CLSTN2: variants seen among roughly 807,000 people sequenced by gnomAD.
CLSTN2 encodes calsyntenin 2.
A neutral mutation model predicts 101.2 loss-of-function variants in CLSTN2; 48 were observed. The observed-to-expected ratio is 0.47, with a 90% confidence interval of 0.38 to 0.60. CLSTN2 has a LOEUF of 0.60. Among genes scored for constraint, CLSTN2 ranks in the 20% least tolerant of loss-of-function variants. The probability of loss-of-function intolerance (pLI) is 0.00; values close to 1 mark genes in which losing one functional copy is unlikely to be tolerated. For missense variants in CLSTN2, 1,160 were observed against 1,238.2 expected (o/e 0.94, Z 0.95); for synonymous variants, 481 against 463.6 (o/e 1.04, Z -0.48).
At chr3:140,238,091 A>G (rs2086431809) in intron 2 of CLSTN2, among the ~76,000 whole-genome samples, 2 of 152,214 alleles carry the variant, frequency 1.3e-5, no homozygotes, top group South Asian at 4.1e-4. Context: ...CTTTGTGTTC[A>G]GAGATAATCA....
intron 2 of CLSTN2, among the ~76,000 whole-genome samples, chr3:140,239,387 G>A (rs140888187): frequency 6.6e-6 from 1 of 152,114 alleles, no homozygotes; most frequent in Non-Finnish European, 1.5e-5. Context: ...GAAAAACATT[G>A]CCAGCTAAAC....
Position 140,381,724 on chromosome 3 carries a change from G to A in CLSTN2, c.233-21905G>A, listed in dbSNP as rs562988388. Among the ~76,000 whole-genome samples the A allele has an allele frequency of 8.5e-5, 13 of 152,338 alleles. No homozygotes were observed. In the South Asian group the frequency reaches 2.7e-3, roughly 32 times the overall value. On this transcript the variant is annotated intron_variant, in intron 2 of 16. Transcript: ENST00000458420. ...TACCACACCAGCAGGGACCTCCCAG[G>A]TGGATCAGCCAGATGTTTCCAGCAA...
chr3:140,221,372 G>A (rs2086271738), intron 2 of CLSTN2, among the ~76,000 whole-genome samples: 1 of 152,038 alleles, frequency 6.6e-6, no homozygotes, highest in South Asian at 2.1e-4. Context: ...TGCAGAGGGT[G>A]CTACATAATA....
intron 1 of CLSTN2, among the ~76,000 whole-genome samples, chr3:140,071,825 C>T (rs910866890): frequency 1.7e-5 from 2 of 120,396 alleles, no homozygotes; most frequent in African/African-American, 9.4e-5. Context: ...AGTGAGACTC[C>T]GTCTAAAAAA....
rs1338440119 is a variant in CLSTN2 at position 139,981,416 on chromosome 3, G to A, written c.109+45933G>A. 2.6e-5 allele frequency among the ~76,000 whole-genome samples: 4 copies of A among 152,262 alleles called. No individual in the cohort carries two copies. The East Asian group carries it at 5.8e-4, about 22-fold the overall frequency. ...TATAAGTATTCTTGTGTTATTAATG[G>A]CCTTTGAAAGCACAGACCTCATGTA... On this transcript the variant is annotated intron_variant, in intron 1 of 16. Transcript: ENST00000458420.
chr3:140,052,009 A>G (rs763398009), intron 1 of CLSTN2, among the ~76,000 whole-genome samples: 23 of 152,190 alleles, frequency 1.5e-4, no homozygotes, highest in Non-Finnish European at 2.4e-4. Flanking sequence ...GGCCTTAGTG[A>G]AAGCGAAGAC....
chr3:140,233,277 G>A (rs763991742), intron 2 of CLSTN2, among the ~76,000 whole-genome samples: 9 of 152,032 alleles, frequency 5.9e-5, no homozygotes, highest in Non-Finnish European at 1.2e-4. Flanking sequence ...ACACTTGGTC[G>A]ACTCCGCATT....
chr3:140,487,550 G>T (rs1436066272), intron 8 of CLSTN2, among the ~76,000 whole-genome samples: 1 of 152,230 alleles, frequency 6.6e-6, no homozygotes, highest in African/African-American at 2.4e-5. Context: ...AACAGTGCTA[G>T]AACTATTCCT....
At chr3:140,068,683 G>C (rs1425709170) in intron 1 of CLSTN2, among the ~76,000 whole-genome samples, 1 of 152,226 alleles carries the variant, frequency 6.6e-6, no homozygotes, top group African/African-American at 2.4e-5. Flanking sequence ...TGATGGAGTG[G>C]ACAGTGTCTG....
intron 6 of CLSTN2, among the ~76,000 whole-genome samples, chr3:140,455,937 CA>C (rs1933387715): frequency 6.6e-6 from 1 of 152,212 alleles, no homozygotes; most frequent in African/African-American, 2.4e-5. Flanking sequence ...TCCCCCTCAG[CA>C]GGGAAGACAA....
At chr3:140,149,348 ACT>A (rs1332284677) in intron 1 of CLSTN2, among the ~76,000 whole-genome samples, 2 of 152,056 alleles carry the variant, frequency 1.3e-5, no homozygotes, top group East Asian at 3.9e-4. Flanking sequence ...GTCCAAAGAA[ACT>A]CTGTCACTGA....
chr3:140,055,828 G>A (rs927042954), intron 1 of CLSTN2, among the ~76,000 whole-genome samples: 28 of 152,184 alleles, frequency 1.8e-4, no homozygotes, highest in African/African-American at 6.5e-4. Flanking sequence ...ACAATAATGT[G>A]TAAAAGAAGA....
At chr3:140,550,759 G>C (rs979447916) in intron 10 of CLSTN2, among the ~76,000 whole-genome samples, 3 of 151,332 alleles carry the variant, frequency 2.0e-5, no homozygotes, top group African/African-American at 7.3e-5. Flanking sequence ...TAAAATAAGT[G>C]GCACAAAAAA....
intron 1 of CLSTN2, among the ~76,000 whole-genome samples, chr3:140,157,644 T>C (rs1270678829): frequency 1.3e-5 from 2 of 152,224 alleles, no homozygotes; most frequent in African/African-American, 4.8e-5. Flanking sequence ...GTTAATCTGG[T>C]TAACAATCTA....
chr3:140,207,000 T>C (rs939613961), intron 2 of CLSTN2, among the ~76,000 whole-genome samples: 3 of 152,154 alleles, frequency 2.0e-5, no homozygotes, highest in African/African-American at 7.2e-5. Context: ...TTCCCTCTTT[T>C]TCCTGTAGTC....
chr3:140,561,725 C>G (rs1362210283), intron 12 of CLSTN2, among the ~76,000 whole-genome samples: 2 of 152,174 alleles, frequency 1.3e-5, no homozygotes, highest in Non-Finnish European at 2.9e-5. Context: ...TGGAAGGCCA[C>G]TTACCTCTAC....
intron 2 of CLSTN2, among the ~76,000 whole-genome samples, chr3:140,277,065 G>A (rs2086802071): frequency 6.6e-6 from 1 of 152,212 alleles, no homozygotes; most frequent in Admixed American, 6.5e-5. Flanking sequence ...GCTCCTCCAT[G>A]TAATTTGTAT....
chr3:140,013,446 G>A (rs188747636), intron 1 of CLSTN2, among the ~76,000 whole-genome samples: 3 of 152,270 alleles, frequency 2.0e-5, no homozygotes, highest in East Asian at 1.9e-4. Flanking sequence ...GGAGTTTGTC[G>A]CTGGAAGTGT....
At position 140,568,536 on chromosome 3, in the gene CLSTN2, T is replaced by C. The variant is rs929071389; in HGVS notation, c.*2283T>C. 6.6e-6 allele frequency: 1 copy of C among 152,106 alleles called. No individual in the cohort carries two copies. The highest frequency in any genetic ancestry group is 2.4e-5 in the African/African-American group (1 of 41,400). 9.4% of individuals were successfully genotyped at this position (152,106 alleles called of 1,614,324 possible). Reference sequence around the variant, plus strand: ...ACAAGAGGAAAGTCTATAGGACTGATTAGTTTTCACAATCCCATTTAAATA... The same window carrying C: ...ACAAGAGGAAAGTCTATAGGACTGACTAGTTTTCACAATCCCATTTAAATA... On this transcript the variant is annotated 3_prime_UTR_variant, in exon 17 of 17. Coordinates refer to ENST00000458420, the MANE Select transcript of CLSTN2 (RefSeq NM_022131.3).
Sources: allele counts gnomAD v4.1 joint callset (sites outside exome capture counted in the v4.1 genomes callset), GRCh38; gene constraint gnomAD v4.1.1; transcripts MANE v1.5; gene names NCBI Gene and HGNC (gene_info 2026-07-23, HGNC 2026-07-21).